POC1B: variants seen among roughly 807,000 people sequenced by gnomAD.
POC1B encodes POC1 centriolar protein homolog B.
POC1B carries 44 observed loss-of-function variants against 60.6 expected under a neutral mutation model. The observed-to-expected ratio is 0.73, with a 90% CI of 0.57 to 0.93. The LOEUF (loss-of-function observed/expected upper bound fraction) is 0.93. Among genes scored for constraint, POC1B ranks in the 40% least tolerant of loss-of-function variants. The pLI is 0.00. For synonymous variants in POC1B, 180 were observed against 198.9 expected, an observed-to-expected ratio of 0.90 and a Z score of 0.80; for missense variants, 555 against 572.3, an observed-to-expected ratio of 0.97 and a Z score of 0.31.
intron 10 of POC1B, among the ~76,000 whole-genome samples, chr12:89,440,642 A>C (rs1247141902): frequency 6.6e-6 from 1 of 152,240 alleles, no homozygotes; most frequent in Non-Finnish European, 1.5e-5. Flanking sequence ...ATACAGAATT[A>C]GAGGAGAGTA....
chr12:89,404,435 G>C, the POC1B span, among the ~76,000 whole-genome samples: 1 of 152,108 alleles, frequency 6.6e-6, no homozygotes, highest in Non-Finnish European at 1.5e-5. Context: ...TGGAAACATG[G>C]GAAAAGGTCA....
Position 89,459,671 on chromosome 12 carries a change from A to C in POC1B, c.1080T>G (p.Pro360=). The C allele has an allele frequency of 6.5e-7, 1 of 1,535,552 alleles. No individual in the cohort carries two copies. Residue 360 remains proline (P), a synonymous_variant, in exon 10 of 12, where the codon CCT becomes CCG. Coordinates refer to ENST00000313546, the MANE Select transcript of POC1B (RefSeq NM_172240.3). ...AATCAAAAGAAAGGATATCCATAAC[A>C]GGGGGAGTAGAGATCTGCAAATCGA... ...EVIDLQISTP[P]VMDILSFDST... is the part of the protein sequence containing the mutation.
intron 2 of POC1B, among the ~76,000 whole-genome samples, chr12:89,514,861 C>T (rs1870375475): frequency 6.6e-6 from 1 of 152,100 alleles, no homozygotes; most frequent in African/African-American, 2.4e-5. Context: ...AAGCATTGTG[C>T]AATCTCTCAC....
At chr12:89,472,375 C>A in intron 4 of POC1B, 100 bp from the exon 5 acceptor site, 1 of 739,508 alleles carries the variant, frequency 1.4e-6, no homozygotes. Flanking sequence ...ATATTAAATA[C>A]CAGAGACCAC....
the POC1B span, among the ~76,000 whole-genome samples, chr12:89,411,948 C>T: frequency 1.4e-4 from 22 of 152,258 alleles, no homozygotes; most frequent in East Asian, 4.1e-3. Flanking sequence ...TAGTATAGAC[C>T]TCGGGTTCTA....
chr12:89,520,698 T>C (rs1438700599), intron 2 of POC1B: 1 of 152,200 alleles, frequency 6.6e-6, no homozygotes, highest in African/African-American at 2.4e-5. Flanking sequence ...CCTAAAGAAT[T>C]TCCTTAAATT....
intron 2 of POC1B, chr12:89,502,483 A>G: frequency 1.8e-6 from 2 of 1,117,374 alleles, no homozygotes; most frequent in Admixed American, 4.0e-5. Flanking sequence ...AAAAGTTGAC[A>G]AAAAAATCTA....
chr12:89,434,120 G>A (rs118130015), intron 10 of POC1B, among the ~76,000 whole-genome samples: 2,137 of 152,308 alleles, frequency 0.014, 35 homozygotes, highest in Middle Eastern at 0.058. Context: ...AATGTCATGT[G>A]AAATTTTGTC....
chr12:89,437,071 A>G lies in POC1B; in HGVS notation c.1114-11692T>C, dbSNP rs75778230. Reference sequence around the variant, plus strand: ...AAACAGAACTTATTGACTCTCTTCAATACCTCATGAGCCAGTCTCCTCTCT... The same window carrying G: ...AAACAGAACTTATTGACTCTCTTCAGTACCTCATGAGCCAGTCTCCTCTCT... On this transcript the variant is annotated intron_variant, in intron 10 of 11. Coordinates refer to ENST00000313546, the MANE Select transcript of POC1B (RefSeq NM_172240.3). 5.7e-3 allele frequency among the ~76,000 whole-genome samples: 872 copies of G among 152,242 alleles called. 11 individuals carry two copies. Among genetic ancestry groups the G allele is most frequent in the African/African-American group, 0.02 (845 of 41,544 alleles).
intron 2 of POC1B, among the ~76,000 whole-genome samples, chr12:89,507,597 A>T (rs1317216009): frequency 6.6e-6 from 1 of 152,268 alleles, no homozygotes. Flanking sequence ...TACCAGTTTA[A>T]AAAAACTATT....
At chr12:89,468,753 C>T (rs184918625) in intron 7 of POC1B, among the ~76,000 whole-genome samples, 150 of 152,156 alleles carry the variant, frequency 9.9e-4, no homozygotes, top group African/African-American at 3.5e-3. Flanking sequence ...ACCCTAACAC[C>T]ACTGCAGAAT....
intron 2 of POC1B, chr12:89,522,017 A>C (rs567601523): frequency 1.0e-5 from 4 of 398,998 alleles, no homozygotes; most frequent in African/African-American, 8.2e-5. Flanking sequence ...TTTCTAGTAC[A>C]TTCATAACTT....
intron 10 of POC1B, among the ~76,000 whole-genome samples, chr12:89,453,985 A>G (rs1357883408): frequency 1.3e-5 from 2 of 152,256 alleles, no homozygotes; most frequent in Non-Finnish European, 2.9e-5. Flanking sequence ...ACTTTCTGAA[A>G]GAGAATCCAA....
At chr12:89,443,294 A>T (rs915393889) in intron 10 of POC1B, among the ~76,000 whole-genome samples, 1 of 152,250 alleles carries the variant, frequency 6.6e-6, no homozygotes, top group Non-Finnish European at 1.5e-5. Context: ...AATCAACAGA[A>T]TATACATTTT....
chr12:89,503,549 G>T (rs988543378), intron 2 of POC1B, among the ~76,000 whole-genome samples: 1 of 152,140 alleles, frequency 6.6e-6, no homozygotes, highest in Non-Finnish European at 1.5e-5. Flanking sequence ...CGTCTGGGAA[G>T]TGAGGAGCGT....
At chr12:89,492,218 T>C in intron 3 of POC1B, 103 bp from the exon 4 acceptor site, 1 of 986,254 alleles carries the variant, frequency 1.0e-6, no homozygotes. Flanking sequence ...TTAAATAAAA[T>C]GGTTTAACTC....
chr12:89,426,379 T>C (rs1880765447), intron 10 of POC1B: 1 of 152,142 alleles, frequency 6.6e-6, no homozygotes, highest in South Asian at 2.1e-4. Context: ...TACTTAAGAA[T>C]GGTTAAAATG....
the POC1B span, among the ~76,000 whole-genome samples, chr12:89,413,898 A>T: frequency 1.1e-3 from 163 of 151,022 alleles, no homozygotes; most frequent in African/African-American, 3.5e-3. Context: ...TTATTTATTT[A>T]TTTTTTCTTT....
At chr12:89,402,455 A>C in the POC1B span, among the ~76,000 whole-genome samples, 1 of 152,124 alleles carries the variant, frequency 6.6e-6, no homozygotes, top group African/African-American at 2.4e-5. Context: ...GTTGTTGGAC[A>C]GATTTTGTTA....
Sources: gnomAD v4.1 joint callset for allele counts (sites outside exome capture counted in the v4.1 genomes callset) on GRCh38, gnomAD v4.1.1 for gene constraint, MANE v1.5 for transcripts, NCBI Gene and HGNC (gene_info 2026-07-23, HGNC 2026-07-21) for gene names.